LINGO2: variants seen among roughly 807,000 people sequenced by gnomAD.
LINGO2 encodes the protein leucine rich repeat and Ig domain containing 2.
Under a neutral mutation model 30.6 loss-of-function variants are expected in LINGO2, and 14 were observed. The observed-to-expected ratio is 0.46, with a 90% confidence interval of 0.30 to 0.72. LINGO2 has a LOEUF of 0.72. LINGO2 is among the 30% of genes least tolerant of loss of function. The probability of loss-of-function intolerance (pLI) is 0.07; values close to 1 mark genes in which losing one functional copy is unlikely to be tolerated. For missense variants in LINGO2, 729 were observed against 751.7 expected (o/e 0.97, Z 0.35); for synonymous variants, 317 against 288.5 (o/e 1.10, Z -1.00).
At chr9:28,906,859 A>G in the LINGO2 span, among the ~76,000 whole-genome samples, 1 of 152,048 alleles carries the variant, frequency 6.6e-6, no homozygotes, top group South Asian at 2.1e-4. Context: ...CTCTGAATCA[A>G]AAAGCTTTCA....
chr9:29,130,159 T>C, the LINGO2 span, among the ~76,000 whole-genome samples: 2 of 152,174 alleles, frequency 1.3e-5, no homozygotes, highest in African/African-American at 2.4e-5. Context: ...AGATGGGCAA[T>C]TGAACTTTAC....
intron 1 of LINGO2, among the ~76,000 whole-genome samples, chr9:28,485,942 A>C (rs1459695103): frequency 1.3e-5 from 2 of 152,060 alleles, no homozygotes; most frequent in Non-Finnish European, 2.9e-5. Context: ...GAGCCCTGCA[A>C]CTGCCAAATC....
intron 5 of LINGO2, among the ~76,000 whole-genome samples, chr9:27,976,796 C>T (rs184314849): frequency 3.3e-5 from 5 of 152,176 alleles, no homozygotes; most frequent in East Asian, 3.9e-4. Context: ...ATAAATGTTA[C>T]ATCCTTCATA....
chr9:28,269,511 T>G (rs1822868893), intron 4 of LINGO2, among the ~76,000 whole-genome samples: 1 of 152,120 alleles, frequency 6.6e-6, no homozygotes, highest in South Asian at 2.1e-4. Flanking sequence ...GGACACTTTC[T>G]TCTTTCATTC....
intron 4 of LINGO2, among the ~76,000 whole-genome samples, chr9:28,189,860 T>C (rs1184188296): frequency 6.6e-6 from 1 of 151,944 alleles, no homozygotes; most frequent in African/African-American, 2.4e-5. Flanking sequence ...CATGTGCGTG[T>C]GCAAACATGT....
chr9:28,205,530 T>C lies in LINGO2; in HGVS notation c.-87+89678A>G, dbSNP rs116889595. ...CTGCTGGTTTTTTATCATCTCTAACTAGAATGTTAACTGTGGGGAGACAAC... is the reference window on the plus strand; with the variant it reads ...CTGCTGGTTTTTTATCATCTCTAACCAGAATGTTAACTGTGGGGAGACAAC... On this transcript the variant is annotated intron_variant, in intron 4 of 5. Transcript: ENST00000379992. Among the ~76,000 whole-genome samples, 176 of 152,312 alleles carry C rather than the reference T, an allele frequency of 1.2e-3. 2 individuals are homozygous for C. The South Asian group carries it at 0.018, about 15-fold the overall frequency.
intron 4 of LINGO2, among the ~76,000 whole-genome samples, chr9:28,020,959 C>G (rs1419290510): frequency 6.6e-6 from 1 of 152,070 alleles, no homozygotes; most frequent in East Asian, 1.9e-4. Context: ...AAAGATTTAT[C>G]AGTTGTATTG....
intron 3 of LINGO2, among the ~76,000 whole-genome samples, chr9:28,338,534 T>C (rs1825663553): frequency 1.3e-5 from 2 of 152,026 alleles, no homozygotes; most frequent in Admixed American, 6.6e-5. Flanking sequence ...CAGAATGATG[T>C]GGTCTGGCTG....
the LINGO2 span, among the ~76,000 whole-genome samples, chr9:28,819,882 T>A: frequency 6.6e-6 from 1 of 152,270 alleles, no homozygotes; most frequent in Admixed American, 6.5e-5. Context: ...TAAACTCTCC[T>A]TTTATCAGTG....
the LINGO2 span, among the ~76,000 whole-genome samples, chr9:29,053,034 G>C: frequency 5.3e-5 from 8 of 152,036 alleles, no homozygotes; most frequent in Non-Finnish European, 1.2e-4. Context: ...TCATCTGTAT[G>C]AGTTTTTATT....
chr9:28,097,697 A>C (rs1402740088), intron 4 of LINGO2, among the ~76,000 whole-genome samples: 2 of 83,222 alleles, frequency 2.4e-5, no homozygotes, highest in Admixed American at 1.6e-4. Context: ...GGGTCGGGGG[A>C]GGGGGGAGGG....
chr9:28,193,020 A>T (rs1819876430), intron 4 of LINGO2, among the ~76,000 whole-genome samples: 1 of 152,166 alleles, frequency 6.6e-6, no homozygotes. Flanking sequence ...TATAGTGCTG[A>T]ATAGCTCACA....
intron 3 of LINGO2, among the ~76,000 whole-genome samples, chr9:28,320,172 C>T (rs538885707): frequency 2.0e-5 from 3 of 152,086 alleles, no homozygotes; most frequent in Non-Finnish European, 4.4e-5. Flanking sequence ...TCTCAAGGGT[C>T]ACATAGCTTA....
intron 5 of LINGO2, among the ~76,000 whole-genome samples, chr9:28,001,380 G>A (rs1226729693): frequency 6.8e-6 from 1 of 147,304 alleles, no homozygotes; most frequent in East Asian, 2.1e-4. Flanking sequence ...TAAGTCAGGA[G>A]ATGTTAGGGA....
chr9:28,632,850 T>C (rs1827045929), intron 1 of LINGO2, among the ~76,000 whole-genome samples: 1 of 89,074 alleles, frequency 1.1e-5, no homozygotes, highest in African/African-American at 7.1e-5. Context: ...AATCTATATA[T>C]ATTTTTTATA....
At chr9:28,005,776 A>T (rs1456327181) in intron 5 of LINGO2, among the ~76,000 whole-genome samples, 1 of 151,914 alleles carries the variant, frequency 6.6e-6, no homozygotes, top group Non-Finnish European at 1.5e-5. Context: ...GCATTTTTCA[A>T]ATCTTTCCTT....
intron 4 of LINGO2, among the ~76,000 whole-genome samples, chr9:28,140,493 C>T (rs1275791600): frequency 6.6e-6 from 1 of 152,158 alleles, no homozygotes; most frequent in Non-Finnish European, 1.5e-5. Context: ...ACCTAATTTC[C>T]TACCATTTCT....
At chr9:28,368,713 C>A (rs1324059568) in intron 3 of LINGO2, among the ~76,000 whole-genome samples, 1 of 151,892 alleles carries the variant, frequency 6.6e-6, no homozygotes, top group Admixed American at 6.6e-5. Context: ...TCTCCTGCCT[C>A]AGCCTCGCGA....
At chr9:28,475,300 T>G (rs544195485) in intron 2 of LINGO2, among the ~76,000 whole-genome samples, 27 of 152,182 alleles carry the variant, frequency 1.8e-4, no homozygotes, top group Non-Finnish European at 3.8e-4. Context: ...AAGCCTGGCA[T>G]CTATTAGATA....
Sources: gnomAD v4.1 joint callset for allele counts (sites outside exome capture counted in the v4.1 genomes callset) on GRCh38, gnomAD v4.1.1 for gene constraint, MANE v1.5 for transcripts, NCBI Gene and HGNC (gene_info 2026-07-23, HGNC 2026-07-21) for gene names.